ANKRD29: variants seen among roughly 807,000 people sequenced by gnomAD.
The protein encoded by ANKRD29 is ankyrin repeat domain-containing protein 29.
Under a neutral mutation model 38.0 loss-of-function variants are expected in ANKRD29, and 32 were observed. That is an observed-to-expected ratio of 0.84 (90% CI 0.64 to 1.13). The LOEUF is 1.13. ANKRD29 is among the 50% of genes most tolerant of loss of function. The pLI is 0.00. For missense variants in ANKRD29, 357 were observed against 377.9 expected, an observed-to-expected ratio of 0.94 and a Z score of 0.46; for synonymous variants, 135 against 152.4, an observed-to-expected ratio of 0.89 and a Z score of 0.84.
intron 1 of ANKRD29, among the ~76,000 whole-genome samples, chr18:23,660,603 C>G (rs1259781336): frequency 2.0e-5 from 3 of 152,146 alleles, no homozygotes; most frequent in African/African-American, 7.2e-5. Flanking sequence ...GTCAGGAGTT[C>G]GAGACCAGGC....
chr18:23,631,466 G>A (rs576352839), intron 5 of ANKRD29, among the ~76,000 whole-genome samples: 3 of 146,902 alleles, frequency 2.0e-5, no homozygotes, highest in Non-Finnish European at 4.5e-5. Flanking sequence ...GGCTGGTCTC[G>A]AACTCTTGGG....
chr18:23,661,938 C>T (rs750821325), intron 1 of ANKRD29, among the ~76,000 whole-genome samples: 19 of 151,732 alleles, frequency 1.3e-4, no homozygotes, highest in African/African-American at 2.2e-4. Flanking sequence ...GAGTCAGACA[C>T]ACTTGGGTTT....
chr18:23,625,724 C>G (rs888615748), intron 6 of ANKRD29, among the ~76,000 whole-genome samples: 1 of 152,180 alleles, frequency 6.6e-6, no homozygotes, highest in African/African-American at 2.4e-5. Flanking sequence ...GACTCAGGGA[C>G]AGTAGGCAAC....
At chr18:23,646,737 G>C (rs1008389443) in intron 2 of ANKRD29, 1 of 155,520 alleles carries the variant, frequency 6.4e-6, no homozygotes, top group East Asian at 1.9e-4. Flanking sequence ...CAGGTGAAAT[G>C]AGAGACTACA....
chr18:23,605,067 C>A (rs1050081704), intron 9 of ANKRD29, among the ~76,000 whole-genome samples: 1 of 151,560 alleles, frequency 6.6e-6, no homozygotes, highest in Non-Finnish European at 1.5e-5. Context: ...ATTACAGGCG[C>A]CCACCACTGT....
At chr18:23,618,309 G>C (rs1369308214) in intron 7 of ANKRD29, among the ~76,000 whole-genome samples, 1 of 152,218 alleles carries the variant, frequency 6.6e-6, no homozygotes, top group Non-Finnish European at 1.5e-5. Flanking sequence ...GGGGCTTAGG[G>C]GCAGAGGTGA....
At chr18:23,629,061 T>C (rs1418392070) in intron 6 of ANKRD29, among the ~76,000 whole-genome samples, 1 of 152,256 alleles carries the variant, frequency 6.6e-6, no homozygotes, top group Non-Finnish European at 1.5e-5. Flanking sequence ...CTCGGCTCAT[T>C]GCAACTTCTG....
intron 6 of ANKRD29, among the ~76,000 whole-genome samples, chr18:23,620,606 G>T (rs139864252): frequency 6.6e-6 from 1 of 152,214 alleles, no homozygotes; most frequent in African/African-American, 2.4e-5. Flanking sequence ...CGTGTGTTGT[G>T]GGGGAGAGGT....
chr18:23,618,079 A>C (rs2145656228), intron 7 of ANKRD29, among the ~76,000 whole-genome samples: 1 of 152,350 alleles, frequency 6.6e-6, no homozygotes, highest in East Asian at 1.9e-4. Context: ...ATACTTCTAC[A>C]GTTCCTGAGA....
chr18:23,646,494 C>T (rs1020700027), intron 2 of ANKRD29: 9 of 452,632 alleles, frequency 2.0e-5, no homozygotes, highest in East Asian at 1.4e-4. Flanking sequence ...TTGGAATTTT[C>T]GATGTAAAAA....
intron 6 of ANKRD29, 35 bp from the exon 7 acceptor site, chr18:23,619,664 G>C: frequency 1.3e-6 from 2 of 1,516,858 alleles, no homozygotes; most frequent in Non-Finnish European, 1.8e-6. Context: ...GCCGTGACTG[G>C]GGCGCCCGGC....
intron 8 of ANKRD29, among the ~76,000 whole-genome samples, chr18:23,617,178 T>C (rs1003710523): frequency 2.6e-5 from 4 of 152,042 alleles, no homozygotes; most frequent in African/African-American, 4.8e-5. Flanking sequence ...GATCGTGCCA[T>C]TGCACTCCAG....
chr18:23,616,548 T>TAGTATATATATATATACACTATATATAC (rs1568013589), intron 8 of ANKRD29, among the ~76,000 whole-genome samples: 3 of 106,806 alleles, frequency 2.8e-5, no homozygotes, highest in Middle Eastern at 8.1e-3. Context: ...TATATATATA[T>TAGTATATATATATATACACTATATATAC]AGTATATATA....
intron 3 of ANKRD29, among the ~76,000 whole-genome samples, chr18:23,645,797 T>A (rs527760826): frequency 1.3e-5 from 2 of 152,250 alleles, no homozygotes; most frequent in Non-Finnish European, 2.9e-5. Context: ...GATTGAGACA[T>A]CCTAGCAAGT....
chr18:23,646,025 C>T (rs2276261), intron 3 of ANKRD29, among the ~76,000 whole-genome samples, 164 bp downstream of exon 3: 4,253 of 152,248 alleles, frequency 0.028, 175 homozygotes, highest in East Asian at 0.093. Context: ...ATTATAACTG[C>T]TAGTACGTTG....
chr18:23,635,207 T>G (rs994637725), intron 4 of ANKRD29, among the ~76,000 whole-genome samples: 1 of 150,844 alleles, frequency 6.6e-6, no homozygotes, highest in Admixed American at 6.6e-5. Flanking sequence ...AAGTGGAGGC[T>G]GCAGTGAGCC....
chr18:23,616,026 C>T (rs917338769), intron 8 of ANKRD29, among the ~76,000 whole-genome samples: 2 of 149,896 alleles, frequency 1.3e-5, no homozygotes, highest in Non-Finnish European at 3.0e-5. Flanking sequence ...GCATACTCTA[C>T]ACATACCGTA....
chr18:23,613,598 A>G (rs904220547), intron 8 of ANKRD29, among the ~76,000 whole-genome samples: 1 of 149,972 alleles, frequency 6.7e-6, no homozygotes. Context: ...TTTTTACTTT[A>G]CAATTTTTTT....
At chr18:23,630,506 A>G (rs2059917230) in intron 5 of ANKRD29, among the ~76,000 whole-genome samples, 1 of 152,092 alleles carries the variant, frequency 6.6e-6, no homozygotes, top group South Asian at 2.1e-4. Flanking sequence ...CTGTAATCCC[A>G]GGTACTCGGG....
Sources: allele counts gnomAD v4.1 joint callset (sites outside exome capture counted in the v4.1 genomes callset), GRCh38; gene constraint gnomAD v4.1.1; transcripts MANE v1.5; gene names NCBI Gene and HGNC (gene_info 2026-07-23, HGNC 2026-07-21).